The following LHFPL3 variants were observed in gnomAD, a reference collection of about 807,000 sequenced individuals.
The protein encoded by LHFPL3 is LHFPL tetraspan subfamily member 3 protein.
In LHFPL3, 5 loss-of-function variants were observed where a neutral mutation model predicts 19.3. That is an observed-to-expected ratio of 0.26 (90% CI 0.14 to 0.54). The LOEUF (loss-of-function observed/expected upper bound fraction) is 0.54, where lower values mean the gene tolerates loss of function less well. Ranked by LOEUF, LHFPL3 falls within the 20% of genes least tolerant of loss-of-function variation. The pLI is 0.94. For missense variants in LHFPL3, 249 were observed against 307.4 expected, an observed-to-expected ratio of 0.81 and a Z score of 1.42; for synonymous variants, 133 against 126.2, an observed-to-expected ratio of 1.05 and a Z score of -0.36.
At chr7:104,365,778 A>G (rs1790475687) in intron 1 of LHFPL3, among the ~76,000 whole-genome samples, 2 of 121,484 alleles carry the variant, frequency 1.6e-5, no homozygotes, top group Admixed American at 8.5e-5. Flanking sequence ...ACAGAGCGAG[A>G]CTCCGTCTCA....
At chr7:104,433,089 C>T (rs567308924) in intron 1 of LHFPL3, among the ~76,000 whole-genome samples, 2 of 152,190 alleles carry the variant, frequency 1.3e-5, no homozygotes, top group Admixed American at 6.5e-5. Flanking sequence ...GTATTTTTAC[C>T]TTGTTAGAAA....
chr7:104,666,869 A>G lies in LHFPL3; in HGVS notation c.446-69806A>G, dbSNP rs1053723884. On this transcript the variant is annotated intron_variant, in intron 1 of 2. Coordinates refer to ENST00000424859, the MANE Select transcript of LHFPL3 (RefSeq NM_199000.3). ...CTGAGTAGTATTACATTTTGTATAT[A>G]TACCACATTTTCTTTATTCATTCAT... Among the ~76,000 whole-genome samples the G allele has an allele frequency of 3.3e-5, 5 of 152,244 alleles. No homozygotes were observed. In the East Asian group the frequency reaches 9.7e-4, roughly 29 times the overall value.
chr7:104,645,167 C>T (rs1791909186), intron 1 of LHFPL3, among the ~76,000 whole-genome samples: 1 of 152,212 alleles, frequency 6.6e-6, no homozygotes, highest in South Asian at 2.1e-4. Context: ...TAAACCCAGG[C>T]ATTCTTCACT....
At chr7:104,861,805 G>T (rs927421434) in intron 2 of LHFPL3, among the ~76,000 whole-genome samples, 1 of 150,588 alleles carries the variant, frequency 6.6e-6, no homozygotes, top group Non-Finnish European at 1.5e-5. Flanking sequence ...CCTTTTAGAA[G>T]ATCTTCCCTA....
At chr7:104,600,941 A>AG (rs1790952702) in intron 1 of LHFPL3, among the ~76,000 whole-genome samples, 1 of 152,204 alleles carries the variant, frequency 6.6e-6, no homozygotes, top group Non-Finnish European at 1.5e-5. Flanking sequence ...ATCTAAGCTC[A>AG]CTGCAGTCTG....
intron 1 of LHFPL3, among the ~76,000 whole-genome samples, chr7:104,478,834 A>G (rs906649208): frequency 3.3e-5 from 5 of 152,240 alleles, no homozygotes; most frequent in African/African-American, 1.2e-4. Context: ...GGATAGCAGG[A>G]ATGTCATGTG....
intron 1 of LHFPL3, among the ~76,000 whole-genome samples, chr7:104,407,462 G>A (rs1791439285): frequency 6.6e-6 from 1 of 152,158 alleles, no homozygotes; most frequent in Non-Finnish European, 1.5e-5. Context: ...TTTGAGACCA[G>A]CATGGCCTAC....
chr7:104,518,569 A>T (rs1764046519), intron 1 of LHFPL3, among the ~76,000 whole-genome samples: 1 of 152,168 alleles, frequency 6.6e-6, no homozygotes, highest in Admixed American at 6.5e-5. Context: ...AGGTCACCTG[A>T]GGTCAGGAGT....
At chr7:104,606,543 G>T (rs1228666565) in intron 1 of LHFPL3, among the ~76,000 whole-genome samples, 1 of 152,174 alleles carries the variant, frequency 6.6e-6, no homozygotes, top group African/African-American at 2.4e-5. Flanking sequence ...TACCACTCCA[G>T]CCTGCCTCAA....
intron 1 of LHFPL3, among the ~76,000 whole-genome samples, chr7:104,411,094 G>A (rs957193418): frequency 5.9e-5 from 9 of 152,200 alleles, no homozygotes; most frequent in African/African-American, 1.2e-4. Flanking sequence ...TTCAGTGAGC[G>A]TATTTTAATT....
At chr7:104,846,050 A>G (rs1791306831) in intron 2 of LHFPL3, among the ~76,000 whole-genome samples, 1 of 152,250 alleles carries the variant, frequency 6.6e-6, no homozygotes, top group African/African-American at 2.4e-5. Flanking sequence ...TGTGACTACG[A>G]AGGAAAAAGA....
chr7:104,898,175 A>G (rs1792405478), intron 2 of LHFPL3, among the ~76,000 whole-genome samples: 1 of 151,548 alleles, frequency 6.6e-6, no homozygotes, highest in Admixed American at 6.6e-5. Flanking sequence ...ACACCCCGCT[A>G]ATTTTTGTAT....
intron 1 of LHFPL3, among the ~76,000 whole-genome samples, chr7:104,413,353 T>C (rs1228080308): frequency 6.6e-6 from 1 of 152,178 alleles, no homozygotes; most frequent in African/African-American, 2.4e-5. Flanking sequence ...GTCCTTGCCC[T>C]TTGGTTCCCC....
At chr7:104,398,730 A>C (rs1470476854) in intron 1 of LHFPL3, among the ~76,000 whole-genome samples, 1 of 152,194 alleles carries the variant, frequency 6.6e-6, no homozygotes, top group Admixed American at 6.5e-5. Context: ...ATTATGGTTT[A>C]GCAGTTCTGA....
chr7:104,580,722 C>A (rs1790444410), intron 1 of LHFPL3, among the ~76,000 whole-genome samples: 1 of 152,098 alleles, frequency 6.6e-6, no homozygotes, highest in Admixed American at 6.6e-5. Flanking sequence ...CCCCTACCCT[C>A]AGCAACTTGT....
chr7:104,564,078 T>C (rs1790072515), intron 1 of LHFPL3, among the ~76,000 whole-genome samples: 2 of 152,178 alleles, frequency 1.3e-5, no homozygotes, highest in Admixed American at 1.3e-4. Context: ...AACAATCCTA[T>C]GATGTGGCTA....
Position 104,494,571 on chromosome 7 carries a change from C to G in LHFPL3, c.445+165347C>G, listed in dbSNP as rs534401537. Among the ~76,000 whole-genome samples, 13 of 152,276 alleles carry G rather than the reference C, an allele frequency of 8.5e-5. No individual in the cohort carries two copies. In the South Asian group the frequency reaches 2.7e-3, roughly 32 times the overall value. On this transcript the variant is annotated intron_variant, in intron 1 of 2. Transcript: ENST00000424859. ...AAGAAAGAACTCCCTGCCCCCAAAA[C>G]GTCAGCACTCTGTAGTGTGTGTGAA...
chr7:104,623,355 T>C (rs6970482), intron 1 of LHFPL3, among the ~76,000 whole-genome samples: 138,737 of 152,188 alleles, frequency 0.91, 63,687 homozygotes, highest in East Asian at 0.99. Context: ...AAAGGCTGGG[T>C]GCAGTGGCTC....
At chr7:104,631,594 A>G (rs1791642830) in intron 1 of LHFPL3, among the ~76,000 whole-genome samples, 1 of 152,194 alleles carries the variant, frequency 6.6e-6, no homozygotes, top group South Asian at 2.1e-4. Flanking sequence ...TGTGATTTCT[A>G]AAAGATAAAA....
Sources: allele counts gnomAD v4.1 joint callset (sites outside exome capture counted in the v4.1 genomes callset), GRCh38; gene constraint gnomAD v4.1.1; transcripts MANE v1.5; gene names NCBI Gene and HGNC (gene_info 2026-07-23, HGNC 2026-07-21).